The following LINGO2 variants were observed in gnomAD, a reference collection of about 807,000 sequenced individuals.
LINGO2 encodes the protein leucine-rich repeat and immunoglobulin-like domain-containing nogo receptor-interacting protein 2.
LINGO2 carries 14 observed loss-of-function variants against 30.6 expected under a neutral mutation model. That is an observed-to-expected ratio of 0.46 (90% CI 0.30 to 0.72). The LOEUF (loss-of-function observed/expected upper bound fraction) is 0.72. Ranked by LOEUF, LINGO2 falls within the 30% of genes least tolerant of loss-of-function variation. The pLI is 0.07. For missense variants in LINGO2, 729 were observed against 751.7 expected (o/e 0.97, Z 0.35); for synonymous variants, 317 against 288.5 (o/e 1.10, Z -1.00).
the LINGO2 span, among the ~76,000 whole-genome samples, chr9:29,123,310 C>T: frequency 2.0e-5 from 3 of 151,890 alleles, no homozygotes; most frequent in African/African-American, 7.3e-5. Flanking sequence ...TACACTTAAA[C>T]ACCAAATGAG....
intron 2 of LINGO2, among the ~76,000 whole-genome samples, chr9:28,373,927 T>A (rs1407342798): frequency 2.0e-5 from 3 of 150,878 alleles, no homozygotes; most frequent in Non-Finnish European, 3.0e-5. Context: ...AGATATGGAT[T>A]CAGACAAGCA....
At chr9:28,947,472 G>A in the LINGO2 span, among the ~76,000 whole-genome samples, 2 of 151,932 alleles carry the variant, frequency 1.3e-5, no homozygotes, top group African/African-American at 4.8e-5. Flanking sequence ...AGGCTGTTAT[G>A]ATAACTTACT....
chr9:28,130,159 T>A lies in LINGO2; in HGVS notation c.-86-117754A>T, dbSNP rs772417347. ...ACAGAGGACTTTTCTAGATTTAGAGTTGTGCCTTCATTTTAACCACTGGTT... is the reference window on the plus strand; with the variant it reads ...ACAGAGGACTTTTCTAGATTTAGAGATGTGCCTTCATTTTAACCACTGGTT... On this transcript the variant is annotated intron_variant, in intron 4 of 5. Transcript: ENST00000379992. The surrounding 1 kb of genome is among the most constrained non-coding windows in gnomAD (Gnocchi z 5.2). Among the ~76,000 whole-genome samples, 1 of 152,202 alleles carries A rather than the reference T, an allele frequency of 6.6e-6. No homozygotes were observed. Among genetic ancestry groups the A allele is most frequent in the Non-Finnish European group, 1.5e-5 (1 of 68,036 alleles).
At chr9:28,874,969 G>T in the LINGO2 span, among the ~76,000 whole-genome samples, 1 of 152,058 alleles carries the variant, frequency 6.6e-6, no homozygotes, top group Non-Finnish European at 1.5e-5. Context: ...CTAAAACCAT[G>T]ATGCAAGCCT....
At chr9:29,106,729 T>C in the LINGO2 span, among the ~76,000 whole-genome samples, 1 of 152,204 alleles carries the variant, frequency 6.6e-6, no homozygotes, top group Non-Finnish European at 1.5e-5. Context: ...TGATGTCATA[T>C]ATCCTTTATA....
At chr9:28,132,721 A>G (rs941242719) in intron 4 of LINGO2, among the ~76,000 whole-genome samples, 4 of 152,222 alleles carry the variant, frequency 2.6e-5, no homozygotes, top group Non-Finnish European at 4.4e-5. Flanking sequence ...TGTTGATTCA[A>G]CGAAAAGACT....
chr9:28,513,486 A>C (rs1478598504), intron 1 of LINGO2, among the ~76,000 whole-genome samples: 1 of 152,218 alleles, frequency 6.6e-6, no homozygotes, highest in Non-Finnish European at 1.5e-5. Flanking sequence ...GATTACATTT[A>C]AGTGCATGAA....
At chr9:27,998,475 C>T (rs1046591722) in intron 5 of LINGO2, among the ~76,000 whole-genome samples, 6 of 152,084 alleles carry the variant, frequency 3.9e-5, no homozygotes, top group African/African-American at 9.7e-5. Context: ...CACCATCTGA[C>T]GTCAGATATA....
intron 4 of LINGO2, among the ~76,000 whole-genome samples, chr9:28,041,121 C>T: frequency 6.6e-6 from 1 of 152,196 alleles, no homozygotes; most frequent in South Asian, 2.1e-4. Flanking sequence ...CTATTGTTGA[C>T]TGAAAAATGT....
chr9:28,451,605 T>G (rs1824650900), intron 2 of LINGO2, among the ~76,000 whole-genome samples: 1 of 151,766 alleles, frequency 6.6e-6, no homozygotes, highest in Admixed American at 6.6e-5. Context: ...AAACCAATTA[T>G]TCATTAAAAT....
chr9:28,011,839 A>G (rs921260883), intron 5 of LINGO2, among the ~76,000 whole-genome samples: 2 of 152,150 alleles, frequency 1.3e-5, no homozygotes, highest in African/African-American at 4.8e-5. Context: ...CCTGTGGTGG[A>G]CAGTCAAGAA....
the LINGO2 span, among the ~76,000 whole-genome samples, chr9:28,693,782 G>T: frequency 1.6e-3 from 241 of 152,154 alleles, 2 homozygotes; most frequent in African/African-American, 5.6e-3. Flanking sequence ...TAGGATTTGT[G>T]TCTTCTTTAT....
intron 4 of LINGO2, among the ~76,000 whole-genome samples, chr9:28,189,301 A>AGGGAGGAAGGG (rs1819672831): frequency 7.9e-5 from 1 of 12,712 alleles, no homozygotes; most frequent in East Asian, 3.8e-3. Context: ...GGAAGGAAGG[A>AGGGAGGAAGGG]AGGGAGGAAG....
chr9:28,091,727 G>A (rs9775023), intron 4 of LINGO2, among the ~76,000 whole-genome samples: 50,960 of 152,050 alleles, frequency 0.34, 9,238 homozygotes, highest in East Asian at 0.65. Context: ...AAGAGCTTCT[G>A]CAGAGCAAGA....
At chr9:29,169,558 T>A in the LINGO2 span, among the ~76,000 whole-genome samples, 1 of 151,716 alleles carries the variant, frequency 6.6e-6, no homozygotes, top group Non-Finnish European at 1.5e-5. Flanking sequence ...ATCAGAGAAA[T>A]GCAAATTAAA....
chr9:28,581,390 A>G (rs1824251306), intron 1 of LINGO2, among the ~76,000 whole-genome samples: 1 of 151,860 alleles, frequency 6.6e-6, no homozygotes, highest in South Asian at 2.1e-4. Flanking sequence ...GCACTGTTTC[A>G]GCTTTTTCTA....
the LINGO2 span, among the ~76,000 whole-genome samples, chr9:28,885,064 T>C: frequency 7.7e-6 from 1 of 130,156 alleles, no homozygotes; most frequent in Admixed American, 8.2e-5. Context: ...AACCTCAAAA[T>C]CAAAATTTCC....
intron 4 of LINGO2, among the ~76,000 whole-genome samples, chr9:28,221,318 A>G: frequency 6.6e-6 from 1 of 150,918 alleles, no homozygotes; most frequent in Admixed American, 6.6e-5. Flanking sequence ...AAAAAAAAAA[A>G]AAAAAAAGCA....
intron 1 of LINGO2, among the ~76,000 whole-genome samples, chr9:28,627,392 G>C (rs778901673): frequency 2.6e-5 from 4 of 152,002 alleles, no homozygotes; most frequent in Non-Finnish European, 5.9e-5. Flanking sequence ...CCCCTATGTA[G>C]ATTTTGGGAG....
Sources: gnomAD v4.1 joint callset for allele counts (sites outside exome capture counted in the v4.1 genomes callset) on GRCh38, gnomAD v4.1.1 for gene constraint, Gnocchi (gnomAD v3.1) non-coding constraint, MANE v1.5 for transcripts, NCBI Gene and HGNC (gene_info 2026-07-23, HGNC 2026-07-21) for gene names.